The following OSBPL6 variants were observed in gnomAD, a reference collection of about 807,000 sequenced individuals.
OSBPL6 encodes oxysterol binding protein like 6.
A neutral mutation model predicts 125.8 loss-of-function variants in OSBPL6; 49 were observed. The observed-to-expected ratio is 0.39, with a 90% CI of 0.31 to 0.49. The LOEUF is 0.49. Among genes scored for constraint, OSBPL6 ranks in the 20% least tolerant of loss-of-function variants. The pLI is 0.88. For synonymous variants in OSBPL6, 394 were observed against 391.8 expected, an observed-to-expected ratio of 1.01 and a Z score of -0.07; for missense variants, 986 against 1,135.4, an observed-to-expected ratio of 0.87 and a Z score of 1.89.
intron 13 of OSBPL6, among the ~76,000 whole-genome samples, chr2:178,370,784 C>T (rs1259886232): frequency 6.6e-6 from 1 of 152,138 alleles, no homozygotes; most frequent in African/African-American, 2.4e-5. Context: ...TATGATTTGA[C>T]ATATTTTACA....
chr2:178,399,542 A>T lies in OSBPL6; in HGVS notation c.*3983A>T, dbSNP rs1476321063. 3 of 152,258 alleles carry T rather than the reference A, an allele frequency of 2.0e-5. No homozygotes were observed. Among genetic ancestry groups the T allele is most frequent in the Non-Finnish European group, 4.4e-5 (3 of 68,034 alleles). The allele number at this position is 152,258 out of a possible 1,614,324, so 9.4% of individuals were successfully genotyped here. A position where few individuals can be genotyped will look rare whatever the true frequency, so the allele number is the denominator to read the frequency against. On this transcript the variant is annotated 3_prime_UTR_variant, in exon 25 of 25. Coordinates refer to ENST00000190611, the MANE Select transcript of OSBPL6 (RefSeq NM_032523.4). ...TTATTACGTCCAAAATGAGATCTAA[A>T]GAAGGAGGTCTTTAAAAATTGTTGT... is the stretch of plus-strand genomic sequence containing the variant.
At chr2:178,294,227 T>G (rs1685529730) in intron 2 of OSBPL6, among the ~76,000 whole-genome samples, 1 of 152,170 alleles carries the variant, frequency 6.6e-6, no homozygotes, top group Admixed American at 6.5e-5. Flanking sequence ...CTAGAATAAA[T>G]GCACTGCATT....
intron 2 of OSBPL6, among the ~76,000 whole-genome samples, chr2:178,288,678 C>T (rs1303483601): frequency 4.7e-5 from 7 of 148,502 alleles, no homozygotes; most frequent in South Asian, 2.1e-4. Context: ...GAGGGAGTTT[C>T]GCTCTTGTTG....
At chr2:178,284,096 G>C (rs775759649) in intron 1 of OSBPL6, among the ~76,000 whole-genome samples, 1 of 152,114 alleles carries the variant, frequency 6.6e-6, no homozygotes, top group Non-Finnish European at 1.5e-5. Context: ...TTCTTTTATA[G>C]TATGTATAGA....
chr2:178,277,364 G>C (rs759382515), intron 1 of OSBPL6, among the ~76,000 whole-genome samples: 1 of 152,072 alleles, frequency 6.6e-6, no homozygotes, highest in Non-Finnish European at 1.5e-5. Context: ...ATTTTTGTCA[G>C]CATTAACAAT....
chr2:178,225,698 G>A (rs566317996), intron 1 of OSBPL6, among the ~76,000 whole-genome samples: 138 of 152,302 alleles, frequency 9.1e-4, no homozygotes, highest in Non-Finnish European at 6.8e-4. Flanking sequence ...AAGGCAAGGA[G>A]GAGCAAGTCA....
intron 2 of OSBPL6, among the ~76,000 whole-genome samples, chr2:178,288,932 G>A (rs1684969490): frequency 6.6e-6 from 1 of 151,778 alleles, no homozygotes; most frequent in Admixed American, 6.6e-5. Flanking sequence ...TTACAGGTGT[G>A]AGCCACCGTG....
chr2:178,343,471 A>G (rs1690407595), intron 11 of OSBPL6, among the ~76,000 whole-genome samples: 1 of 152,176 alleles, frequency 6.6e-6, no homozygotes, highest in African/African-American at 2.4e-5. Flanking sequence ...TTAGAAGGAA[A>G]TATCATCATC....
chr2:178,337,115 C>T lies in OSBPL6; in HGVS notation c.790+682C>T, dbSNP rs149513043. Among the ~76,000 whole-genome samples, 4 of 152,208 alleles carry T rather than the reference C, an allele frequency of 2.6e-5. No homozygotes were observed. In the East Asian group the frequency reaches 7.7e-4, roughly 29 times the overall value. ...AATGGTTCAAACTTGATCTACAGAC[C>T]ATTTCCATTCTATGAGACAGTTTTC... On this transcript the variant is annotated intron_variant, in intron 9 of 24. Transcript: ENST00000190611.
intron 15 of OSBPL6, among the ~76,000 whole-genome samples, chr2:178,382,000 C>A (rs1457423002): frequency 6.6e-6 from 1 of 152,196 alleles, no homozygotes; most frequent in Non-Finnish European, 1.5e-5. Context: ...TTCTCTAACA[C>A]CCAGTTTAAA....
In OSBPL6 at chr2:178,369,127, A is replaced by T. The variant is rs141387941; in HGVS notation, c.1288-2999A>T. Among the ~76,000 whole-genome samples, 400 of 152,232 alleles carry T rather than the reference A, an allele frequency of 2.6e-3. 3 individuals are homozygous for T. The highest frequency in any genetic ancestry group is 9.0e-3 in the African/African-American group (374 of 41,544). On this transcript the variant is annotated intron_variant, in intron 13 of 24. Coordinates refer to ENST00000190611, the MANE Select transcript of OSBPL6 (RefSeq NM_032523.4). ...CTTAATAAGAAATACTTTAACTGAG[A>T]TTTATCTCTTTTGCTCCCATGCTAC...
intron 1 of OSBPL6, among the ~76,000 whole-genome samples, chr2:178,202,648 CCT>C (rs2089315700): frequency 6.6e-6 from 1 of 151,802 alleles, no homozygotes; most frequent in Non-Finnish European, 1.5e-5. Flanking sequence ...ATGGTGAAAC[CCT>C]GTCTCTACTA....
chr2:178,341,669 G>A (rs1052112317), intron 11 of OSBPL6, among the ~76,000 whole-genome samples: 2 of 152,202 alleles, frequency 1.3e-5, no homozygotes, highest in African/African-American at 4.8e-5. Context: ...CCTATTGGAA[G>A]TGGGAGATTT....
intron 1 of OSBPL6, among the ~76,000 whole-genome samples, chr2:178,197,782 A>G (rs969051987): frequency 6.6e-6 from 1 of 152,226 alleles, no homozygotes; most frequent in Admixed American, 6.5e-5. Context: ...TTGTATTAAA[A>G]AAAAAGAAAG....
At chr2:178,210,306 A>C (rs998576458) in intron 1 of OSBPL6, among the ~76,000 whole-genome samples, 1 of 151,738 alleles carries the variant, frequency 6.6e-6, no homozygotes, top group Non-Finnish European at 1.5e-5. Flanking sequence ...GGCATGAGCC[A>C]CCACACCTGA....
chr2:178,269,069 A>T (rs1397247257), intron 1 of OSBPL6, among the ~76,000 whole-genome samples: 1 of 152,204 alleles, frequency 6.6e-6, no homozygotes. Context: ...CCTGTGTGTC[A>T]GTATTGGCAG....
At chr2:178,276,178 C>A (rs1460348702) in intron 1 of OSBPL6, among the ~76,000 whole-genome samples, 1 of 152,080 alleles carries the variant, frequency 6.6e-6, no homozygotes, top group Admixed American at 6.5e-5. Flanking sequence ...ATTTACCAAT[C>A]CCCTAGGCCT....
intron 15 of OSBPL6, among the ~76,000 whole-genome samples, chr2:178,376,927 C>G (rs1693927714): frequency 6.6e-6 from 1 of 152,178 alleles, no homozygotes; most frequent in Admixed American, 6.5e-5. Context: ...CAACTTCTCC[C>G]TTTATCACAA....
At chr2:178,389,289 A>T (rs1374808774) in intron 21 of OSBPL6, 136 bp downstream of exon 21, 18 of 891,342 alleles carry the variant, frequency 2.0e-5, no homozygotes, top group Admixed American at 3.1e-5. Flanking sequence ...TAGATAAGAA[A>T]GCAGAACAAA....
Sources: gnomAD v4.1 joint callset for allele counts (sites outside exome capture counted in the v4.1 genomes callset) on GRCh38, gnomAD v4.1.1 for gene constraint, MANE v1.5 for transcripts, NCBI Gene and HGNC (gene_info 2026-07-23, HGNC 2026-07-21) for gene names.